The following SLC17A6 variants were observed in gnomAD, a reference collection of about 807,000 sequenced individuals.
The protein encoded by SLC17A6 is solute carrier family 17 member 6.
A neutral mutation model predicts 67.1 loss-of-function variants in SLC17A6; 35 were observed. The observed-to-expected ratio is 0.52, with a 90% CI of 0.40 to 0.69. The LOEUF (loss-of-function observed/expected upper bound fraction) is 0.69. Among genes scored for constraint, SLC17A6 ranks in the 30% least tolerant of loss-of-function variants. The pLI, the probability that SLC17A6 is intolerant of heterozygous loss-of-function variation, is 0.00. For missense variants in SLC17A6, 588 were observed against 723.9 expected, an observed-to-expected ratio of 0.81 and a Z score of 2.15; for synonymous variants, 285 against 252.3, an observed-to-expected ratio of 1.13 and a Z score of -1.23.
In SLC17A6 at chr11:22,339,151, A is replaced by ATGTTATATATAT. The variant is rs57725309; in HGVS notation, c.86+532_86+533insTGTTATATATAT. ...TATGTTATATATATATGTTATATAT[A>ATGTTATATATAT]GTTATATATATATGTTATATATATA... On this transcript the variant is annotated intron_variant, in intron 1 of 11. Coordinates refer to ENST00000263160, the MANE Select transcript of SLC17A6 (RefSeq NM_020346.3). Among the ~76,000 whole-genome samples the ATGTTATATATAT allele has an allele frequency of 2.0e-4, 6 of 29,798 alleles. No individual in the cohort carries two copies. The Admixed American group carries it at 2.5e-3, about 12-fold the overall frequency. The allele number at this position is 29,798 out of a possible 152,430, so 19.5% of individuals were successfully genotyped here.
Position 22,339,150 on chromosome 11 carries a change from TA to T in SLC17A6, c.86+532del, listed in dbSNP as rs1345547297. On this transcript the variant is annotated intron_variant, in intron 1 of 11. Transcript: ENST00000263160. ...ATATGTTATATATATATGTTATATA[TA>T]GTTATATATATATGTTATATATATA... is the stretch of plus-strand genomic sequence containing the variant. Among the ~76,000 whole-genome samples, 73 of 7,886 alleles carry T rather than the reference TA, an allele frequency of 9.3e-3. 4 individuals carry two copies. The highest frequency in any genetic ancestry group is 0.034 in the African/African-American group (64 of 1,904). 5.2% of individuals were successfully genotyped at this position (7,886 alleles called of 152,430 possible). A position where few individuals can be genotyped will look rare whatever the true frequency, so the allele number is the denominator to read the frequency against.
chr11:22,370,996 G>A (rs1024322760), intron 8 of SLC17A6, among the ~76,000 whole-genome samples: 18 of 152,028 alleles, frequency 1.2e-4, no homozygotes, highest in African/African-American at 2.2e-4. Context: ...AACAACAATC[G>A]TCATTTCTAT....
chr11:22,376,499 A>C, intron 10 of SLC17A6, 46 bp from the exon 11 acceptor site: 1 of 1,611,754 alleles, frequency 6.2e-7, no homozygotes, highest in East Asian at 2.2e-5. Flanking sequence ...ATTTACTTCT[A>C]AGACGTTTAG....
intron 7 of SLC17A6, 73 bp from the exon 8 acceptor site, chr11:22,369,964 CAA>C (rs2133875729): frequency 7.0e-7 from 1 of 1,422,514 alleles, no homozygotes; most frequent in Admixed American, 2.2e-5. Flanking sequence ...CCTGAAAATG[CAA>C]AGCACCTATT....
rs115845212 is a variant in SLC17A6 at position 22,348,625 on chromosome 11, G to T, written c.458+5260G>T. Among the ~76,000 whole-genome samples the T allele has an allele frequency of 4.7e-3, 710 of 151,920 alleles. 4 individuals carry two copies. The highest frequency in any genetic ancestry group is 0.016 in the African/African-American group (673 of 41,402). On this transcript the variant is annotated intron_variant, in intron 3 of 11. Coordinates refer to ENST00000263160, the MANE Select transcript of SLC17A6 (RefSeq NM_020346.3). ...TTTGAACATGACTGGGTGTAGATTA[G>T]ACTTTTGTCTGCAGAAATGAAGGGA...
intron 3 of SLC17A6, among the ~76,000 whole-genome samples, chr11:22,351,440 T>G (rs1003695321): frequency 6.6e-6 from 1 of 152,160 alleles, no homozygotes; most frequent in African/African-American, 2.4e-5. Flanking sequence ...ATAATTTCTA[T>G]GTTTATGACC....
chr11:22,376,452 T>C lies in SLC17A6; in HGVS notation c.1286-93T>C, dbSNP rs1406525442. The C allele has an allele frequency of 5.8e-6, 8 of 1,380,732 alleles. No individual in the cohort carries two copies. In the Admixed American group the frequency reaches 1.1e-4, roughly 18 times the overall value. 85.5% of individuals were successfully genotyped at this position (1,380,732 alleles called of 1,614,324 possible). ...AATTAAGCACGTGTTCTGTACCCAGTATATTTTAAGGAGTTGTGATGTGTG... is the reference window on the plus strand; with the variant it reads ...AATTAAGCACGTGTTCTGTACCCAGCATATTTTAAGGAGTTGTGATGTGTG... On this transcript the variant is annotated intron_variant, in intron 10 of 11. Coordinates refer to ENST00000263160, the MANE Select transcript of SLC17A6 (RefSeq NM_020346.3).
intron 7 of SLC17A6, among the ~76,000 whole-genome samples, chr11:22,366,489 A>C (rs1012288966): frequency 3.3e-5 from 5 of 152,284 alleles, no homozygotes; most frequent in African/African-American, 9.6e-5. Flanking sequence ...TTATTGATAA[A>C]ATATCATTAT....
At chr11:22,352,817 G>A (rs1855956914) in intron 3 of SLC17A6, among the ~76,000 whole-genome samples, 1 of 152,126 alleles carries the variant, frequency 6.6e-6, no homozygotes, top group East Asian at 1.9e-4. Context: ...GACAGTTATT[G>A]ATTTAAAAAA....
chr11:22,375,795 A>G (rs1193444240), intron 9 of SLC17A6, among the ~76,000 whole-genome samples, 187 bp from the exon 10 acceptor site: 1 of 152,142 alleles, frequency 6.6e-6, no homozygotes, highest in Non-Finnish European at 1.5e-5. Context: ...GTTTTTATTA[A>G]ACACAAGGAA....
intron 4 of SLC17A6, 128 bp from the exon 5 acceptor site, chr11:22,360,769 T>C (rs995604386): frequency 5.2e-5 from 36 of 697,730 alleles, no homozygotes; most frequent in Non-Finnish European, 7.5e-5. Context: ...TCTTTTCTTT[T>C]ACCTTAATCA....
intron 7 of SLC17A6, among the ~76,000 whole-genome samples, chr11:22,368,200 TC>T (rs1856134875): frequency 6.6e-6 from 1 of 152,072 alleles, no homozygotes. Flanking sequence ...CAATTCTGTA[TC>T]ATCATTTAAC....
chr11:22,358,521 G>A (rs1856015251), intron 3 of SLC17A6, among the ~76,000 whole-genome samples: 1 of 152,128 alleles, frequency 6.6e-6, no homozygotes, highest in African/African-American at 2.4e-5. Context: ...TAGTAGAGAT[G>A]GGGTTTCACT....
intron 5 of SLC17A6, 39 bp downstream of exon 5, chr11:22,361,023 G>T: frequency 1.3e-6 from 2 of 1,560,320 alleles, no homozygotes; most frequent in Non-Finnish European, 1.8e-6. Context: ...GTGGCTAAAA[G>T]TTTAGGAACA....
At chr11:22,369,439 A>G (rs1183922431) in intron 7 of SLC17A6, among the ~76,000 whole-genome samples, 2 of 151,944 alleles carry the variant, frequency 1.3e-5, no homozygotes, top group Non-Finnish European at 2.9e-5. Context: ...GTTTTATAGA[A>G]CCTTGAACTC....
At chr11:22,368,473 T>C (rs116444309) in intron 7 of SLC17A6, among the ~76,000 whole-genome samples, 1,669 of 152,142 alleles carry the variant, frequency 0.011, 21 homozygotes, top group Middle Eastern at 0.041. Flanking sequence ...AAATAGAACA[T>C]TATCAGAATA....
At chr11:22,350,873 T>C (rs1855930055) in intron 3 of SLC17A6, among the ~76,000 whole-genome samples, 1 of 152,198 alleles carries the variant, frequency 6.6e-6, no homozygotes, top group African/African-American at 2.4e-5. Flanking sequence ...GAGAAAGCCA[T>C]GTTTTACTGA....
intron 4 of SLC17A6, among the ~76,000 whole-genome samples, chr11:22,360,321 T>A (rs1856036963): frequency 1.3e-5 from 2 of 151,910 alleles, no homozygotes; most frequent in African/African-American, 4.8e-5. Context: ...CACTGCAGCC[T>A]ATTGGGGAAG....
At chr11:22,375,232 C>T (rs1856219914) in intron 9 of SLC17A6, among the ~76,000 whole-genome samples, 1 of 151,494 alleles carries the variant, frequency 6.6e-6, no homozygotes, top group South Asian at 2.1e-4. Context: ...ATTAGCTGGG[C>T]ATGGTGGTGA....
Sources: allele counts gnomAD v4.1 joint callset (sites outside exome capture counted in the v4.1 genomes callset), GRCh38; gene constraint gnomAD v4.1.1; transcripts MANE v1.5; gene names NCBI Gene and HGNC (gene_info 2026-07-23, HGNC 2026-07-21).